Variants in USP12 observed in about 807,000 individuals in gnomAD.
The protein encoded by USP12 is ubiquitin specific peptidase 12.
A neutral mutation model predicts 45.5 loss-of-function variants in USP12; 19 were observed. The observed-to-expected ratio is 0.42, with a 90% CI of 0.29 to 0.61. USP12 has a LOEUF of 0.61. Ranked by LOEUF, USP12 falls within the 20% of genes least tolerant of loss-of-function variation. USP12 has a pLI of 0.22. For missense variants in USP12, 242 were observed against 447.7 expected, an observed-to-expected ratio of 0.54 and a Z score of 4.15; for synonymous variants, 149 against 148.8, an observed-to-expected ratio of 1.00 and a Z score of -0.01.
chr13:27,095,235 G>T (rs934279295), intron 4 of USP12, among the ~76,000 whole-genome samples: 4 of 152,036 alleles, frequency 2.6e-5, no homozygotes, highest in Non-Finnish European at 4.4e-5. Flanking sequence ...CCCAACAATG[G>T]ATACTAAAGG....
intron 4 of USP12, among the ~76,000 whole-genome samples, chr13:27,092,136 ATACT>A (rs1387425955): frequency 2.0e-5 from 3 of 152,210 alleles, no homozygotes; most frequent in Admixed American, 6.5e-5. Context: ...CCCAAAATGA[ATACT>A]TAAATATAAA....
intron 6 of USP12, among the ~76,000 whole-genome samples, chr13:27,081,824 T>C (rs1873773396): frequency 6.6e-6 from 1 of 152,230 alleles, no homozygotes; most frequent in Non-Finnish European, 1.5e-5. Context: ...CCATCAGAGC[T>C]CTTGGGTGAT....
intron 1 of USP12, among the ~76,000 whole-genome samples, chr13:27,128,813 A>G (rs1453597952): frequency 6.6e-6 from 1 of 152,238 alleles, no homozygotes; most frequent in African/African-American, 2.4e-5. Flanking sequence ...TTCCACTTAT[A>G]AAAACATGAA....
chr13:27,130,486 T>C (rs918201091), intron 1 of USP12, among the ~76,000 whole-genome samples: 1 of 151,242 alleles, frequency 6.6e-6, no homozygotes, highest in Non-Finnish European at 1.5e-5. Context: ...GAGAATCTGA[T>C]TTTCAGAGTC....
chr13:27,138,059 C>T (rs957381939), intron 1 of USP12, among the ~76,000 whole-genome samples: 8 of 152,240 alleles, frequency 5.3e-5, no homozygotes, highest in African/African-American at 1.9e-4. Context: ...TTACCAACTG[C>T]AACTGCAGAT....
Position 27,116,742 on chromosome 13 carries a change from C to T in USP12, c.49-146G>A, listed in dbSNP as rs895433459. The T allele has an allele frequency of 1.9e-5, 11 of 581,308 alleles. No individual in the cohort carries two copies. The Admixed American group carries it at 2.0e-4, about 11-fold the overall frequency. The allele number at this position is 581,308 out of a possible 1,614,324, so 36.0% of individuals were successfully genotyped here. A position where few individuals can be genotyped will look rare whatever the true frequency, so the allele number is the denominator to read the frequency against. On this transcript the variant is annotated intron_variant, in intron 1 of 8. Coordinates refer to ENST00000282344, the MANE Select transcript of USP12 (RefSeq NM_182488.4). ...ACAGGTGCGTCTTTATCCTTTACAC[C>T]GTATTTTTAGCTGTACCTTTCTTAC...
chr13:27,154,981 T>G (rs1877751094), intron 1 of USP12, among the ~76,000 whole-genome samples: 1 of 148,146 alleles, frequency 6.8e-6, no homozygotes. Context: ...CAGTCCCTCC[T>G]GCAGCTCCAG....
intron 3 of USP12, among the ~76,000 whole-genome samples, chr13:27,096,237 T>A (rs1018419743): frequency 1.3e-5 from 2 of 152,182 alleles, no homozygotes; most frequent in African/African-American, 4.8e-5. Flanking sequence ...ACAAAGTTTA[T>A]CAAAAATAAA....
chr13:27,119,784 C>T (rs1178805201), intron 1 of USP12, among the ~76,000 whole-genome samples: 2 of 152,122 alleles, frequency 1.3e-5, no homozygotes, highest in Non-Finnish European at 2.9e-5. Flanking sequence ...GGTAGCAGAT[C>T]GAAATGAGAA....
At chr13:27,140,535 T>C (rs1168910332) in intron 1 of USP12, among the ~76,000 whole-genome samples, 2 of 152,194 alleles carry the variant, frequency 1.3e-5, no homozygotes, top group African/African-American at 2.4e-5. Flanking sequence ...ATTTATTAAG[T>C]GCCTAGGTTA....
intron 1 of USP12, among the ~76,000 whole-genome samples, chr13:27,145,552 A>G (rs373771132): frequency 1.2e-3 from 178 of 152,330 alleles, no homozygotes; most frequent in African/African-American, 4.1e-3. Flanking sequence ...TAGCTCCCAC[A>G]TTAACTTCAA....
intron 1 of USP12, among the ~76,000 whole-genome samples, chr13:27,166,104 G>A (rs902962033): frequency 6.6e-6 from 1 of 151,998 alleles, no homozygotes; most frequent in Non-Finnish European, 1.5e-5. Context: ...AAATTAACTC[G>A]AAGTTTTAAG....
chr13:27,105,630 T>C (rs1875097203), intron 3 of USP12, 101 bp downstream of exon 3: 1 of 1,128,560 alleles, frequency 8.9e-7, no homozygotes, highest in Non-Finnish European at 1.3e-6. Context: ...ACAGCTAACA[T>C]GTTATCAGGC....
chr13:27,103,076 A>C (rs533917370), intron 3 of USP12, among the ~76,000 whole-genome samples: 2 of 152,368 alleles, frequency 1.3e-5, no homozygotes, highest in South Asian at 2.1e-4. Flanking sequence ...ACCATCAAAA[A>C]GATTAGTAAC....
chr13:27,092,233 G>A (rs1378280374), intron 4 of USP12, among the ~76,000 whole-genome samples: 1 of 152,172 alleles, frequency 6.6e-6, no homozygotes, highest in African/African-American at 2.4e-5. Flanking sequence ...GTAAATAAGG[G>A]GAGACAGTGC....
At chr13:27,148,958 G>A (rs182070270) in intron 1 of USP12, among the ~76,000 whole-genome samples, 23 of 152,064 alleles carry the variant, frequency 1.5e-4, no homozygotes, top group Admixed American at 1.0e-3. Context: ...ACTGAGGGGC[G>A]GATCATTTGA....
At chr13:27,141,561 A>C (rs1396699085) in intron 1 of USP12, among the ~76,000 whole-genome samples, 3 of 152,234 alleles carry the variant, frequency 2.0e-5, no homozygotes, top group African/African-American at 2.4e-5. Context: ...ATGACAAACA[A>C]ACACAGGAGC....
chr13:27,103,703 T>C (rs1209423400), intron 3 of USP12, among the ~76,000 whole-genome samples: 1 of 131,450 alleles, frequency 7.6e-6, no homozygotes, highest in Non-Finnish European at 1.6e-5. Context: ...AGGCCAGGAG[T>C]TCAAGACTAG....
intron 4 of USP12, among the ~76,000 whole-genome samples, chr13:27,093,648 C>T (rs569420772): frequency 6.6e-6 from 1 of 152,312 alleles, no homozygotes; most frequent in Non-Finnish European, 1.5e-5. Flanking sequence ...TCTTACCATA[C>T]AATCCAGTGA....
Sources: gnomAD v4.1 joint callset for allele counts (sites outside exome capture counted in the v4.1 genomes callset) on GRCh38, gnomAD v4.1.1 for gene constraint, MANE v1.5 for transcripts, NCBI Gene and HGNC (gene_info 2026-07-23, HGNC 2026-07-21) for gene names.